The following SLC16A10 variants were observed in gnomAD, a reference collection of about 807,000 sequenced individuals.
SLC16A10 encodes monocarboxylate transporter 10.
SLC16A10 carries 27 observed loss-of-function variants against 40.0 expected under a neutral mutation model. That is an observed-to-expected ratio of 0.67 (90% CI 0.50 to 0.93). SLC16A10 has a LOEUF of 0.93. Ranked by LOEUF, SLC16A10 falls within the 40% of genes least tolerant of loss-of-function variation. The pLI is 0.00. For synonymous variants in SLC16A10, 213 were observed against 249.8 expected (o/e 0.85, Z 1.39); for missense variants, 529 against 658.2 (o/e 0.80, Z 2.15).
intron 1 of SLC16A10, among the ~76,000 whole-genome samples, chr6:111,089,908 GTTTTTT>G (rs541758500): frequency 9.6e-4 from 50 of 52,318 alleles, no homozygotes; most frequent in Middle Eastern, 0.015. Flanking sequence ...CTGTGGGTGG[GTTTTTT>G]TTTTTTTTTT....
chr6:111,203,240 A>G (rs888406850), intron 3 of SLC16A10, among the ~76,000 whole-genome samples: 1 of 152,204 alleles, frequency 6.6e-6, no homozygotes, highest in East Asian at 1.9e-4. Flanking sequence ...CTAGGCCACA[A>G]GTAGAACATA....
At chr6:111,216,040 T>A (rs1308594169) in intron 4 of SLC16A10, among the ~76,000 whole-genome samples, 1 of 152,208 alleles carries the variant, frequency 6.6e-6, no homozygotes, top group African/African-American at 2.4e-5. Context: ...TCAATAAAAA[T>A]TACTACTTAA....
At chr6:111,174,919 A>G (rs1583344505) in intron 2 of SLC16A10, among the ~76,000 whole-genome samples, 1 of 152,144 alleles carries the variant, frequency 6.6e-6, no homozygotes, top group East Asian at 1.9e-4. Context: ...CTCTTTCTCT[A>G]CCCTCTAAGT....
At chr6:111,164,389 T>C (rs1210217895) in intron 1 of SLC16A10, among the ~76,000 whole-genome samples, 1 of 152,204 alleles carries the variant, frequency 6.6e-6, no homozygotes, top group Admixed American at 6.5e-5. Context: ...ATACCTTAAG[T>C]TGTAGCGACT....
chr6:111,230,589 T>C lies in SLC16A10; in HGVS notation c.*8354T>C, dbSNP rs1444731878. The C allele has an allele frequency of 1.3e-5, 2 of 152,180 alleles. No individual in the cohort carries two copies. The highest frequency in any genetic ancestry group is 2.9e-5 in the Non-Finnish European group (2 of 68,012). 9.4% of individuals were successfully genotyped at this position (152,180 alleles called of 1,614,324 possible). On this transcript the variant is annotated 3_prime_UTR_variant, in exon 6 of 6. Coordinates refer to ENST00000368851, the MANE Select transcript of SLC16A10 (RefSeq NM_018593.5). Reference sequence around the variant, plus strand: ...TTAATGTGGTTTGAGATGTGTAAGATTGTAGAGGCATTGCACAATGCTTGA... The same window carrying C: ...TTAATGTGGTTTGAGATGTGTAAGACTGTAGAGGCATTGCACAATGCTTGA...
At chr6:111,170,176 A>G (rs1427248614) in intron 1 of SLC16A10, among the ~76,000 whole-genome samples, 1 of 152,000 alleles carries the variant, frequency 6.6e-6, no homozygotes, top group African/African-American at 2.4e-5. Context: ...TTGATCTCCC[A>G]AAGTGCTGGG....
chr6:111,183,939 G>A (rs1333787502), intron 3 of SLC16A10, among the ~76,000 whole-genome samples: 2 of 152,258 alleles, frequency 1.3e-5, no homozygotes, highest in East Asian at 1.9e-4. Context: ...TTGAGCATAG[G>A]GCCTCGTGAG....
At chr6:111,192,532 C>T (rs1773012106) in intron 3 of SLC16A10, among the ~76,000 whole-genome samples, 1 of 152,192 alleles carries the variant, frequency 6.6e-6, no homozygotes, top group Admixed American at 6.5e-5. Flanking sequence ...TACCCAGTTC[C>T]AAAGTTGCTT....
At chr6:111,100,959 C>CTCTCTCTCTCT (rs1562397089) in intron 1 of SLC16A10, among the ~76,000 whole-genome samples, 2 of 81,464 alleles carry the variant, frequency 2.5e-5, no homozygotes, top group Non-Finnish European at 4.9e-5. Flanking sequence ...TCTTTCTCTC[C>CTCTCTCTCTCT]CTCTCTCTCT....
At chr6:111,199,466 A>G (rs1423695429) in intron 3 of SLC16A10, among the ~76,000 whole-genome samples, 2 of 152,128 alleles carry the variant, frequency 1.3e-5, no homozygotes, top group Admixed American at 1.3e-4. Context: ...TCTCAAAAAA[A>G]AAAAAAAATC....
intron 3 of SLC16A10, among the ~76,000 whole-genome samples, chr6:111,184,110 G>A (rs1351707410): frequency 6.6e-6 from 1 of 152,128 alleles, no homozygotes; most frequent in African/African-American, 2.4e-5. Context: ...TGATGATGTA[G>A]TTTCAGTTAC....
At chr6:111,122,780 C>T (rs1024136601) in intron 1 of SLC16A10, among the ~76,000 whole-genome samples, 1 of 152,154 alleles carries the variant, frequency 6.6e-6, no homozygotes, top group Non-Finnish European at 1.5e-5. Flanking sequence ...ACCTCCTTAG[C>T]CAGGCCAGGA....
chr6:111,122,768 C>T (rs147007459), intron 1 of SLC16A10, among the ~76,000 whole-genome samples: 64 of 152,088 alleles, frequency 4.2e-4, no homozygotes, highest in African/African-American at 1.3e-3. Context: ...CGATGAGAAG[C>T]GACCTCCTTA....
In SLC16A10 at chr6:111,222,060, C is replaced by T; in HGVS notation, c.1373C>T (p.Pro458Leu). ...GTGGCATTCTACCTCGCTGGAGTCC[C>T]TCCCCTTATTGGAGGTGCTGTGCTT... Reference protein sequence around the residue: ...YDVAFYLAGVPPLIGGAVLCF... With the variant: ...YDVAFYLAGVLPLIGGAVLCF... Residue 458 changes from proline to leucine, a missense_variant, in exon 6 of 6, where the codon CCT becomes CTT. Coordinates refer to ENST00000368851, the MANE Select transcript of SLC16A10 (RefSeq NM_018593.5). The T allele has an allele frequency of 6.2e-7, 1 of 1,611,010 alleles. No homozygotes were observed. Among genetic ancestry groups the T allele is most frequent in the South Asian group, 1.1e-5 (1 of 90,296 alleles).
At chr6:111,112,044 T>G (rs900392736) in intron 1 of SLC16A10, among the ~76,000 whole-genome samples, 2 of 152,046 alleles carry the variant, frequency 1.3e-5, no homozygotes, top group African/African-American at 4.8e-5. Flanking sequence ...ATAAAATTTT[T>G]TTTTGAGACA....
intron 3 of SLC16A10, among the ~76,000 whole-genome samples, chr6:111,179,328 A>G (rs890764893): frequency 1.3e-5 from 2 of 152,254 alleles, no homozygotes; most frequent in Non-Finnish European, 2.9e-5. Context: ...AAGCAGATAA[A>G]ATAAATATTA....
intron 3 of SLC16A10, among the ~76,000 whole-genome samples, chr6:111,179,657 T>C (rs1772753584): frequency 6.6e-6 from 1 of 152,238 alleles, no homozygotes; most frequent in East Asian, 1.9e-4. Context: ...GATCAGGAGA[T>C]GGCAAATCAG....
At chr6:111,204,648 G>A (rs1029246631) in intron 3 of SLC16A10, among the ~76,000 whole-genome samples, 1 of 152,162 alleles carries the variant, frequency 6.6e-6, no homozygotes, top group Non-Finnish European at 1.5e-5. Flanking sequence ...ATGGGATTAG[G>A]GCTGAGATCA....
At chr6:111,219,795 C>T (rs968442862) in intron 5 of SLC16A10, among the ~76,000 whole-genome samples, 1 of 152,034 alleles carries the variant, frequency 6.6e-6, no homozygotes, top group Non-Finnish European at 1.5e-5. Context: ...TAAAAGGTGA[C>T]GTGGCTGGGC....
Sources: allele counts gnomAD v4.1 joint callset (sites outside exome capture counted in the v4.1 genomes callset), GRCh38; gene constraint gnomAD v4.1.1; transcripts MANE v1.5; gene names NCBI Gene and HGNC (gene_info 2026-07-23, HGNC 2026-07-21).